Variants in RNF13 observed in about 807,000 individuals in gnomAD.
RNF13 encodes E3 ubiquitin-protein ligase RNF13.
A neutral mutation model predicts 37.7 loss-of-function variants in RNF13; 19 were observed. The ratio of observed to expected loss-of-function variants is 0.50; its 90% confidence interval spans 0.35 to 0.74. RNF13 has a LOEUF of 0.74. RNF13 is among the 30% of genes least tolerant of loss of function. RNF13 has a pLI of 0.01. For synonymous variants in RNF13, 144 were observed against 157.8 expected (o/e 0.91, Z 0.65); for missense variants, 375 against 453.0 (o/e 0.83, Z 1.56).
In RNF13 at chr3:149,853,455, G is replaced by GGAGAGAGAGAGAGAGA. The variant is rs397842025; in HGVS notation, c.195+890_195+905dup. Among the ~76,000 whole-genome samples, 143 of 117,298 alleles carry GGAGAGAGAGAGAGAGA rather than the reference G, an allele frequency of 1.2e-3. 3 individuals are homozygous for GGAGAGAGAGAGAGAGA. Among genetic ancestry groups the GGAGAGAGAGAGAGAGA allele is most frequent in the Non-Finnish European group, 1.8e-3 (105 of 57,052 alleles). 77.0% of individuals were successfully genotyped at this position (117,298 alleles called of 152,430 possible). On this transcript the variant is annotated intron_variant, in intron 3 of 9. Transcript: ENST00000392894. ...TGCTGTGTGTGTGAGAGAGAGAGAG[G>GGAGAGAGAGAGAGAGA]GAGAGAGAGAGAGAGAGAGAGAGAG...
At chr3:149,823,078 C>T (rs1015245958) in intron 1 of RNF13, among the ~76,000 whole-genome samples, 1 of 152,052 alleles carries the variant, frequency 6.6e-6, no homozygotes, top group Admixed American at 6.5e-5. Flanking sequence ...ATGACACAGA[C>T]TTTTAATTGA....
chr3:149,954,199 GA>G (rs957358399), intron 8 of RNF13, among the ~76,000 whole-genome samples: 195 of 143,972 alleles, frequency 1.4e-3, no homozygotes, highest in East Asian at 4.6e-3. Flanking sequence ...ACAGATGTTA[GA>G]AAAAAAAAAA....
chr3:149,942,035 T>C (rs1720335491), intron 8 of RNF13, among the ~76,000 whole-genome samples: 1 of 152,108 alleles, frequency 6.6e-6, no homozygotes, highest in South Asian at 2.1e-4. Flanking sequence ...CAAGGGTTTA[T>C]TCCTAGGCTC....
At chr3:149,924,076 A>T (rs1333629709) in intron 8 of RNF13, among the ~76,000 whole-genome samples, 7 of 152,162 alleles carry the variant, frequency 4.6e-5, no homozygotes, top group Non-Finnish European at 7.4e-5. Context: ...TACTGGCTGT[A>T]TCTGGAGATG....
At chr3:149,908,968 CT>C (rs1334727397) in intron 6 of RNF13, among the ~76,000 whole-genome samples, 1 of 152,156 alleles carries the variant, frequency 6.6e-6, no homozygotes, top group African/African-American at 2.4e-5. Context: ...AGCTGCAGAG[CT>C]CATAAGATGT....
At chr3:149,817,157 A>T (rs1490685619) in intron 1 of RNF13, 3 of 152,228 alleles carry the variant, frequency 2.0e-5, no homozygotes, top group Non-Finnish European at 4.4e-5. Flanking sequence ...ACAAATGCTT[A>T]CATTGTAAGG....
At position 149,907,639 on chromosome 3, in the gene RNF13, C is replaced by T. The variant is rs376628542; in HGVS notation, c.501-4339C>T. Among the ~76,000 whole-genome samples the T allele has an allele frequency of 2.2e-4, 34 of 152,226 alleles. No homozygotes were observed. The East Asian group carries it at 2.9e-3, about 13-fold the overall frequency. On this transcript the variant is annotated intron_variant, in intron 6 of 9. Coordinates refer to ENST00000392894, the MANE Select transcript of RNF13 (RefSeq NM_183381.3). ...AACAAAAAATTTATTATCTCTGGGC[C>T]GTAGCCTCTCTCCTCATTAAAATGT...
At chr3:149,888,508 T>C (rs1714298420) in intron 4 of RNF13, among the ~76,000 whole-genome samples, 1 of 152,238 alleles carries the variant, frequency 6.6e-6, no homozygotes, top group African/African-American at 2.4e-5. Context: ...GTAGTCCTGC[T>C]TTTGGGCTTG....
chr3:149,837,551 G>A (rs1372188932), intron 1 of RNF13, among the ~76,000 whole-genome samples: 1 of 152,174 alleles, frequency 6.6e-6, no homozygotes, highest in Non-Finnish European at 1.5e-5. Context: ...AGGGTGAAAG[G>A]CACGTCTCAC....
chr3:149,902,183 A>G, intron 6 of RNF13, 21 bp downstream of exon 6: 1 of 1,152,268 alleles, frequency 8.7e-7, no homozygotes, highest in Non-Finnish European at 1.2e-6. Context: ...GATATAAAAA[A>G]TCATGTTGCT....
chr3:149,904,922 T>C (rs951290454), intron 6 of RNF13, among the ~76,000 whole-genome samples: 4 of 152,176 alleles, frequency 2.6e-5, no homozygotes, highest in East Asian at 1.9e-4. Flanking sequence ...CTTGAGTAGA[T>C]AGAGATATTC....
intron 8 of RNF13, among the ~76,000 whole-genome samples, chr3:149,949,345 T>C (rs1229794893): frequency 6.6e-6 from 1 of 152,056 alleles, no homozygotes; most frequent in Non-Finnish European, 1.5e-5. Context: ...TTCTTTCGAA[T>C]ACATCATCCC....
intron 8 of RNF13, among the ~76,000 whole-genome samples, chr3:149,938,718 C>T (rs565886120): frequency 1.4e-3 from 219 of 151,600 alleles, no homozygotes; most frequent in Non-Finnish European, 2.5e-3. Flanking sequence ...TATATTTTTG[C>T]CTCCCCACCA....
chr3:149,921,092 A>T, intron 7 of RNF13, 42 bp from the exon 8 acceptor site: 1 of 759,238 alleles, frequency 1.3e-6, no homozygotes, highest in Non-Finnish European at 2.0e-6. Flanking sequence ...TTCTCTTTGC[A>T]CATTTAATAT....
intron 5 of RNF13, 61 bp from the exon 6 acceptor site, chr3:149,902,010 GA>G: frequency 1.4e-6 from 1 of 691,884 alleles, no homozygotes; most frequent in Non-Finnish European, 2.3e-6. Flanking sequence ...CTATTATGAA[GA>G]AAAGTTGATT....
intron 6 of RNF13, among the ~76,000 whole-genome samples, chr3:149,911,581 C>A (rs996545972): frequency 6.6e-6 from 1 of 151,946 alleles, no homozygotes. Flanking sequence ...ATCACTTGAA[C>A]CCCGGAGGTG....
At chr3:149,842,613 A>C (rs573921648) in intron 1 of RNF13, among the ~76,000 whole-genome samples, 2 of 152,212 alleles carry the variant, frequency 1.3e-5, no homozygotes, top group African/African-American at 2.4e-5. Flanking sequence ...TTATCACTTT[A>C]AAAAATATTA....
At chr3:149,889,103 C>T (rs1423318714) in intron 4 of RNF13, among the ~76,000 whole-genome samples, 45 of 140,528 alleles carry the variant, frequency 3.2e-4, no homozygotes, top group African/African-American at 1.3e-3. Context: ...CACGCCCAGC[C>T]AATTTTTGTA....
intron 1 of RNF13, among the ~76,000 whole-genome samples, chr3:149,815,590 C>T (rs374626682): frequency 1.3e-5 from 2 of 152,014 alleles, no homozygotes; most frequent in African/African-American, 4.8e-5. Context: ...AAATTAGAAG[C>T]GAATTCCTTT....
Sources: allele counts gnomAD v4.1 joint callset (sites outside exome capture counted in the v4.1 genomes callset), GRCh38; gene constraint gnomAD v4.1.1; transcripts MANE v1.5; gene names NCBI Gene and HGNC (gene_info 2026-07-23, HGNC 2026-07-21).